The following METRNL variants were observed in gnomAD, a reference collection of about 807,000 sequenced individuals.
The protein encoded by METRNL is meteorin-like protein.
In METRNL, 9 loss-of-function variants were observed where a neutral mutation model predicts 17.4. The observed-to-expected ratio is 0.52, with a 90% CI of 0.31 to 0.90. The LOEUF is 0.90. Ranked by LOEUF, METRNL falls within the 40% of genes least tolerant of loss-of-function variation. The pLI is 0.05. For missense variants in METRNL, 408 were observed against 430.7 expected (o/e 0.95, Z 0.47); for synonymous variants, 215 against 199.3 (o/e 1.08, Z -0.66).
chr17:83,087,507 G>C (rs1456689730), intron 2 of METRNL, among the ~76,000 whole-genome samples: 1 of 152,196 alleles, frequency 6.6e-6, no homozygotes, highest in Non-Finnish European at 1.5e-5. Flanking sequence ...AGGGGCAGGA[G>C]GGATCCGAGG....
At chr17:83,081,398 GGCCGGC>G (rs1468808105) in intron 1 of METRNL, among the ~76,000 whole-genome samples, 2 of 152,156 alleles carry the variant, frequency 1.3e-5, no homozygotes, top group African/African-American at 4.8e-5. Flanking sequence ...GTCGAGAAGG[GGCCGGC>G]GCCCTTTTCA....
In METRNL at chr17:83,085,170, GA is replaced by G. The variant is rs1229163629; in HGVS notation, c.404del (p.Asp135AlafsTer64). 6.2e-7 allele frequency: 1 copy of G among 1,612,496 alleles called. No homozygotes were observed. The highest frequency in any genetic ancestry group is 1.1e-5 in the South Asian group (1 of 91,052). On this transcript the variant is annotated frameshift_variant, in exon 2 of 4. Transcript: ENST00000320095. LOFTEE classifies it high-confidence loss of function. ...ACTGAGACTGCTGGTACCAGACGGGGACGGCAGGCCCGGCCGGGTGCAGTGT... is the reference window on the plus strand; with the variant it reads ...ACTGAGACTGCTGGTACCAGACGGGGCGGCAGGCCCGGCCGGGTGCAGTGT... ...GELRLLVPDGDGRPGRVQCFG... is the reference protein window; with the variant it reads ...GELRLLVPDGXGRPGRVQCFG...
At chr17:83,090,942 G>A (rs547475991) in intron 2 of METRNL, among the ~76,000 whole-genome samples, 270 of 152,284 alleles carry the variant, frequency 1.8e-3, no homozygotes, top group Admixed American at 5.7e-3. Flanking sequence ...CCCAGCCGGC[G>A]AGTGGGATGG....
chr17:83,090,730 G>A (rs1021910905), intron 2 of METRNL, among the ~76,000 whole-genome samples: 1 of 151,638 alleles, frequency 6.6e-6, no homozygotes, highest in Non-Finnish European at 1.5e-5. Context: ...ACTCACATGA[G>A]GCGCCCTGGG....
At chr17:83,082,005 A>C (rs1204947130) in intron 1 of METRNL, 2 of 846,060 alleles carry the variant, frequency 2.4e-6, no homozygotes, top group East Asian at 2.4e-4. Context: ...CGATAGCTGG[A>C]AAGTTGCCCC....
chr17:83,085,435 A>T, intron 2 of METRNL, 112 bp downstream of exon 2: 1 of 1,341,882 alleles, frequency 7.5e-7, no homozygotes, highest in South Asian at 1.6e-5. Context: ...CTTGGTGAAA[A>T]CCCTTCTGTG....
chr17:83,083,823 G>T (rs926321821), intron 1 of METRNL, among the ~76,000 whole-genome samples: 1 of 152,230 alleles, frequency 6.6e-6, no homozygotes, highest in African/African-American at 2.4e-5. Flanking sequence ...TCTGGAAACA[G>T]CATTGCTTAT....
intron 2 of METRNL, among the ~76,000 whole-genome samples, chr17:83,088,086 G>T (rs2038073680): frequency 6.6e-6 from 1 of 152,202 alleles, no homozygotes; most frequent in Non-Finnish European, 1.5e-5. Flanking sequence ...GCTCCTCCAG[G>T]GGTACACACT....
intron 1 of METRNL, 49 bp downstream of exon 1, chr17:83,080,034 C>A: frequency 1.0e-6 from 1 of 995,004 alleles, no homozygotes; most frequent in Non-Finnish European, 1.2e-6. Context: ...CCTCGCGTCC[C>A]CTCCCGTCCC....
Position 83,082,122 on chromosome 17 carries a change from G to A in METRNL, c.170+2137G>A, listed in dbSNP as rs986453353. ...CCTTCCGTGGGGGGAGGCGGGACCA[G>A]CGCCCCGTCTTTATCAGCCAGTGCT... On this transcript the variant is annotated intron_variant, in intron 1 of 3. Transcript: ENST00000320095. 8.1e-6 allele frequency: 8 copies of A among 985,456 alleles called. No individual in the cohort carries two copies. The Admixed American group carries it at 4.9e-4, about 60-fold the overall frequency. The allele number at this position is 985,456 out of a possible 1,614,324, so 61.0% of individuals were successfully genotyped here.
At chr17:83,088,107 C>T (rs567456140) in intron 2 of METRNL, among the ~76,000 whole-genome samples, 259 of 152,286 alleles carry the variant, frequency 1.7e-3, no homozygotes, top group African/African-American at 5.7e-3. Flanking sequence ...GGGGGCCAGG[C>T]GGGAGGGGAC....
Position 83,094,916 on chromosome 17 carries a change from A to G in METRNL, c.*341A>G, listed in dbSNP as rs895158984. 2.2e-4 allele frequency: 59 copies of G among 264,398 alleles called. No individual in the cohort carries two copies. In the East Asian group the frequency reaches 3.0e-3, roughly 13 times the overall value. The allele number at this position is 264,398 out of a possible 1,614,324, so 16.4% of individuals were successfully genotyped here. A position where few individuals can be genotyped will look rare whatever the true frequency, so the allele number is the denominator to read the frequency against. ...CTCTAAAGACGTTAGGAGTCACGGC[A>G]TCTGGCCTGCGGTTGGGTGAAGCAC... is the stretch of plus-strand genomic sequence containing the variant. On this transcript the variant is annotated 3_prime_UTR_variant, in exon 4 of 4. Coordinates refer to ENST00000320095, the MANE Select transcript of METRNL (RefSeq NM_001004431.3).
At position 83,085,296 on chromosome 17, in the gene METRNL, A is replaced by G; in HGVS notation, c.529A>G (p.Arg177Gly). 1 of 1,536,536 alleles carries G rather than the reference A, an allele frequency of 6.5e-7. No homozygotes were observed. The highest frequency in any genetic ancestry group is 8.8e-7 in the Non-Finnish European group (1 of 1,140,752). The change falls in exon 2 of 4, where the codon AGG (arginine) becomes GGG (glycine). Residue 177 changes from arginine (R) to glycine (G), a missense_variant. Physicochemically the swap from Arg to Gly is moderately radical, Grantham distance 125 (BLOSUM62 -2). Coordinates refer to ENST00000320095, the MANE Select transcript of METRNL (RefSeq NM_001004431.3). ...CCAGTACGAGCTGGTTAGGAGGCAC[A>G]GGGCGTCGGACCTGCACGAGCTGTC... ...GFQYELVRRH[R>G]ASDLHELSAP... is the part of the protein sequence containing the mutation.
Position 83,084,947 on chromosome 17 carries a change from G to T in METRNL, c.180G>T (p.Thr60=). 1.2e-6 allele frequency: 2 copies of T among 1,610,754 alleles called. No individual in the cohort carries two copies. The highest frequency in any genetic ancestry group is 1.7e-6 in the Non-Finnish European group (2 of 1,178,128). The change falls in exon 2 of 4, where the codon ACG becomes ACT. Residue 60 remains threonine (T), a synonymous_variant. Coordinates refer to ENST00000320095, the MANE Select transcript of METRNL (RefSeq NM_001004431.3). ...TGTCTCTCCTCTGCAGCGGGCTGAC[G>T]CACGAGGCACACAGGAAGGAGGTGG... ...DRCSWKGSGL[T]HEAHRKEVEQ...
At chr17:83,093,005 C>T (rs556998857) in intron 2 of METRNL, among the ~76,000 whole-genome samples, 162 bp from the exon 3 acceptor site, 9 of 152,148 alleles carry the variant, frequency 5.9e-5, no homozygotes, top group South Asian at 2.1e-4. Context: ...CAGCACGTGC[C>T]GCCAACTCAC....
chr17:83,085,682 T>G (rs1179666893), intron 2 of METRNL, among the ~76,000 whole-genome samples: 2 of 152,200 alleles, frequency 1.3e-5, no homozygotes, highest in African/African-American at 4.8e-5. Context: ...GCGGGGCCTC[T>G]CTCCCTGGAG....
rs2038032952 is a variant in METRNL at position 83,084,972 on chromosome 17, G to A, written c.205G>A (p.Glu69Lys). ...GCACGAGGCACACAGGAAGGAGGTGGAGCAGGTGTATCTGCGCTGTGCGGC... is the reference window on the plus strand; with the variant it reads ...GCACGAGGCACACAGGAAGGAGGTGAAGCAGGTGTATCTGCGCTGTGCGGC... The part of the protein sequence containing the change: ...LTHEAHRKEV[E>K]QVYLRCAAGA... Residue 69 changes from glutamate to lysine, a missense_variant, in exon 2 of 4, where the codon GAG (glutamate) becomes AAG (lysine). By Grantham distance (56) the Glu-to-Lys change is moderately conservative. Coordinates refer to ENST00000320095, the MANE Select transcript of METRNL (RefSeq NM_001004431.3). The A allele has an allele frequency of 1.2e-6, 2 of 1,613,574 alleles. No homozygotes were observed. The highest frequency in any genetic ancestry group is 1.7e-6 in the Non-Finnish European group (2 of 1,179,838).
At chr17:83,093,319 G>A in intron 3 of METRNL, 93 bp downstream of exon 3, 1 of 1,109,224 alleles carries the variant, frequency 9.0e-7, no homozygotes, top group African/African-American at 1.5e-5. Context: ...CAGGGCCCAG[G>A]ACAGCCTTCC....
intron 1 of METRNL, 103 bp from the exon 2 acceptor site, chr17:83,084,825 TCCAGGAGCCG>T: frequency 7.1e-7 from 1 of 1,403,478 alleles, no homozygotes; most frequent in South Asian, 1.3e-5. Flanking sequence ...AGCGGGTGGG[TCCAGGAGCCG>T]CCATCATTTG....
Sources: allele counts gnomAD v4.1 joint callset (sites outside exome capture counted in the v4.1 genomes callset), GRCh38; gene constraint gnomAD v4.1.1; transcripts MANE v1.5; gene names NCBI Gene and HGNC (gene_info 2026-07-23, HGNC 2026-07-21).